The following NEBL variants were observed in gnomAD, a reference collection of about 807,000 sequenced individuals.
NEBL encodes the protein nebulette, also known as LIM and SH3 protein 2.
Under a neutral mutation model 140.2 loss-of-function variants are expected in NEBL, and 122 were observed. The ratio of observed to expected loss-of-function variants is 0.87; its 90% CI spans 0.75 to 1.01. NEBL has a LOEUF of 1.01. NEBL is among the 50% of genes least tolerant of loss of function. The probability of loss-of-function intolerance (pLI) is 0.00; values close to 1 mark genes in which losing one functional copy is unlikely to be tolerated. For synonymous variants in NEBL, 436 were observed against 398.9 expected (o/e 1.09, Z -1.11); for missense variants, 1,365 against 1,231.3 (o/e 1.11, Z -1.62).
At chr10:21,143,867 A>G (rs80169688) in intron 2 of NEBL, among the ~76,000 whole-genome samples, 5 of 145,332 alleles carry the variant, frequency 3.4e-5, no homozygotes, top group South Asian at 2.1e-4. Flanking sequence ...ACAAGAAAAG[A>G]AAAAAAAAAA....
At chr10:21,029,505 C>G in intron 2 of NEBL, 1 of 1,610,522 alleles carries the variant, frequency 6.2e-7, no homozygotes, top group Non-Finnish European at 8.5e-7. Context: ...TTCGAGTGGA[C>G]GTTGCTGATC....
chr10:20,807,258 G>A (rs1837694730), intron 26 of NEBL, among the ~76,000 whole-genome samples: 1 of 152,190 alleles, frequency 6.6e-6, no homozygotes, highest in African/African-American at 2.4e-5. Context: ...CCCAGGAGGT[G>A]AAGGCTGCAG....
chr10:20,926,321 A>G (rs1289321025), intron 4 of NEBL, among the ~76,000 whole-genome samples: 1 of 152,230 alleles, frequency 6.6e-6, no homozygotes, highest in Non-Finnish European at 1.5e-5. Flanking sequence ...TATTCATGGG[A>G]TTCTTTTGCA....
At chr10:20,876,710 A>G (rs960645099) in intron 5 of NEBL, among the ~76,000 whole-genome samples, 1 of 152,176 alleles carries the variant, frequency 6.6e-6, no homozygotes, top group African/African-American at 2.4e-5. Flanking sequence ...TATAGACCAC[A>G]TTACTTACAA....
At chr10:20,890,213 G>C (rs1846913262) in intron 2 of NEBL, among the ~76,000 whole-genome samples, 1 of 152,088 alleles carries the variant, frequency 6.6e-6, no homozygotes, top group African/African-American at 2.4e-5. Context: ...ACGGGTGATG[G>C]GTCCTGTTTA....
upstream of NEBL, chr10:20,899,491 T>C (rs948554135): frequency 1.6e-6 from 2 of 1,214,156 alleles, no homozygotes; most frequent in African/African-American, 1.6e-5. Flanking sequence ...GCACAAACTT[T>C]TGAAAACAAA....
At chr10:21,149,148 G>A (rs114674192) in intron 2 of NEBL, among the ~76,000 whole-genome samples, 1,737 of 152,266 alleles carry the variant, frequency 0.011, 32 homozygotes, top group African/African-American at 0.037. Flanking sequence ...CCGGTGAAGC[G>A]TCCCAAAAAG....
intron 2 of NEBL, among the ~76,000 whole-genome samples, chr10:21,147,096 T>C (rs1414984641): frequency 1.3e-5 from 2 of 152,140 alleles, no homozygotes; most frequent in Non-Finnish European, 2.9e-5. Flanking sequence ...TTTCCAATAA[T>C]ATTTCTTCAG....
intron 2 of NEBL, chr10:21,146,229 C>T: frequency 1.2e-6 from 1 of 809,708 alleles, no homozygotes; most frequent in Admixed American, 2.4e-5. Context: ...GCAGAGGGTA[C>T]TCCGTTCACC....
chr10:21,110,785 T>C (rs1222575697), intron 2 of NEBL: 2 of 552,532 alleles, frequency 3.6e-6, no homozygotes, highest in Non-Finnish European at 3.5e-6. Flanking sequence ...CCAATTATCT[T>C]TAAGAACAGT....
chr10:21,049,092 C>A (rs1834649288), intron 2 of NEBL, among the ~76,000 whole-genome samples: 1 of 150,640 alleles, frequency 6.6e-6, no homozygotes, highest in Non-Finnish European at 1.5e-5. Flanking sequence ...CTCTTAAAGC[C>A]CTCAACTCTT....
At chr10:20,961,814 G>A (rs1450734024) in intron 3 of NEBL, 1 of 1,518,794 alleles carries the variant, frequency 6.6e-7, no homozygotes. Context: ...GTGAACAGAG[G>A]GATCACGAAT....
chr10:20,819,799 A>G (rs1588684107), intron 19 of NEBL, among the ~76,000 whole-genome samples: 1 of 152,190 alleles, frequency 6.6e-6, no homozygotes, highest in Middle Eastern at 3.4e-3. Context: ...ATCACAGCTC[A>G]CTGCAGCCTC....
intron 2 of NEBL, among the ~76,000 whole-genome samples, chr10:21,067,649 C>T (rs1838991778): frequency 6.6e-6 from 1 of 152,002 alleles, no homozygotes; most frequent in African/African-American, 2.4e-5. Context: ...GAAGGGGGGA[C>T]CTCTCAGCTT....
chr10:20,830,810 G>A (rs1426090871), intron 16 of NEBL, among the ~76,000 whole-genome samples: 1 of 149,460 alleles, frequency 6.7e-6, no homozygotes, highest in Non-Finnish European at 1.5e-5. Flanking sequence ...CACTGAGGCA[G>A]GAAGATAAGC....
At chr10:20,990,520 C>T (rs1018544093) in intron 3 of NEBL, among the ~76,000 whole-genome samples, 1 of 152,148 alleles carries the variant, frequency 6.6e-6, no homozygotes, top group African/African-American at 2.4e-5. Flanking sequence ...CACCAGACAC[C>T]AGATCTGCTG....
intron 3 of NEBL, among the ~76,000 whole-genome samples, chr10:21,007,872 T>C (rs1838195612): frequency 6.6e-6 from 1 of 152,212 alleles, no homozygotes; most frequent in South Asian, 2.1e-4. Flanking sequence ...TACATGTTTC[T>C]GTTACAGTTT....
intron 3 of NEBL, among the ~76,000 whole-genome samples, chr10:21,227,715 TTCTTCTTCTTCTTCTTCTTCTTC>T (rs1842180791): frequency 1.1e-4 from 9 of 80,424 alleles, no homozygotes; most frequent in African/African-American, 4.4e-4. Context: ...TTCTTCTTTC[TTCTTCTTCTTCTTCTTCTTCTTC>T]TTCTTCTTCT....
In NEBL at chr10:20,785,091, T is replaced by C. The variant is rs16921058; in HGVS notation, c.*656A>G. The C allele has an allele frequency of 0.038, 5,882 of 153,740 alleles. 378 individuals are homozygous for C. The highest frequency in any genetic ancestry group is 0.13 in the African/African-American group (5,472 of 41,522). The allele number at this position is 153,740 out of a possible 1,614,324, so 9.5% of individuals were successfully genotyped here. On this transcript the variant is annotated 3_prime_UTR_variant, in exon 28 of 28. Transcript: ENST00000377122. ...ACATTCTGTGGAACTGAGCATAGAC[T>C]TGGGTCCATAGAATATAAATGGAGA...
Sources: allele counts gnomAD v4.1 joint callset (sites outside exome capture counted in the v4.1 genomes callset), GRCh38; gene constraint gnomAD v4.1.1; transcripts MANE v1.5; gene names NCBI Gene and HGNC (gene_info 2026-07-23, HGNC 2026-07-21).